Variants in LDLRAD3 observed in about 807,000 individuals in gnomAD.
LDLRAD3 encodes the protein low-density lipoprotein receptor class A domain-containing protein 3.
In LDLRAD3, 20 loss-of-function variants were observed where a neutral mutation model predicts 29.4. The observed-to-expected ratio is 0.68, with a 90% CI of 0.48 to 0.99. The LOEUF (loss-of-function observed/expected upper bound fraction) is 0.99, where lower values mean the gene tolerates loss of function less well. Ranked by LOEUF, LDLRAD3 falls within the 50% of genes least tolerant of loss-of-function variation. The probability of loss-of-function intolerance (pLI) is 0.00; values close to 1 mark genes in which losing one functional copy is unlikely to be tolerated. For missense variants in LDLRAD3, 420 were observed against 454.3 expected (o/e 0.92, Z 0.69); for synonymous variants, 157 against 192.7 (o/e 0.81, Z 1.53).
intron 4 of LDLRAD3, among the ~76,000 whole-genome samples, chr11:36,176,680 C>A (rs775915893): frequency 1.3e-5 from 2 of 152,092 alleles, no homozygotes; most frequent in Non-Finnish European, 2.9e-5. Flanking sequence ...CTGAGAAATC[C>A]GCCGTTAATC....
chr11:36,063,290 G>A, intron 2 of LDLRAD3, among the ~76,000 whole-genome samples: 1 of 152,150 alleles, frequency 6.6e-6, no homozygotes. Flanking sequence ...GGATTTACCA[G>A]AAAGTTTTGT....
At chr11:36,098,543 C>G (rs573315693) in intron 4 of LDLRAD3, 82 bp downstream of exon 4, 234 of 1,478,372 alleles carry the variant, frequency 1.6e-4, no homozygotes, top group Non-Finnish European at 2.0e-4. Context: ...GAAAGCAACA[C>G]CCATTCCCAT....
At chr11:36,030,866 G>T (rs1852227704) in intron 1 of LDLRAD3, among the ~76,000 whole-genome samples, 1 of 152,208 alleles carries the variant, frequency 6.6e-6, no homozygotes, top group African/African-American at 2.4e-5. Flanking sequence ...ACTCCAGCTG[G>T]TAGGATGGAA....
chr11:36,034,023 G>T (rs1289540032), intron 1 of LDLRAD3, among the ~76,000 whole-genome samples: 1 of 151,998 alleles, frequency 6.6e-6, no homozygotes, highest in Non-Finnish European at 1.5e-5. Context: ...CCATGCTCTG[G>T]GCTACGTCTT....
intron 4 of LDLRAD3, among the ~76,000 whole-genome samples, chr11:36,106,523 TACCTC>T (rs1853531007): frequency 6.6e-6 from 1 of 152,198 alleles, no homozygotes; most frequent in South Asian, 2.1e-4. Flanking sequence ...CTCAAATAGA[TACCTC>T]AAATAAAACC....
intron 1 of LDLRAD3, among the ~76,000 whole-genome samples, chr11:36,010,959 C>T (rs1056117826): frequency 6.6e-6 from 1 of 152,160 alleles, no homozygotes; most frequent in East Asian, 1.9e-4. Context: ...GCATGCACCA[C>T]CAAGCCTGGC....
chr11:35,957,821 GA>G (rs911363100), intron 1 of LDLRAD3, among the ~76,000 whole-genome samples: 1 of 135,630 alleles, frequency 7.4e-6, no homozygotes, highest in African/African-American at 2.8e-5. Context: ...AAAAAGAAAA[GA>G]AAAGAAAAAA....
intron 4 of LDLRAD3, among the ~76,000 whole-genome samples, chr11:36,140,970 T>A (rs1012688185): frequency 6.7e-5 from 10 of 149,306 alleles, no homozygotes; most frequent in African/African-American, 2.5e-4. Context: ...TAGCTGGTTT[T>A]AATTCTGGGT....
At position 36,231,453 on chromosome 11, in the gene LDLRAD3, C is replaced by T. The variant is rs1263351465; in HGVS notation, c.*2056C>T. 1 of 152,138 alleles carries T rather than the reference C, an allele frequency of 6.6e-6. No individual in the cohort carries two copies. The highest frequency in any genetic ancestry group is 1.9e-4 in the East Asian group (1 of 5,198). The allele number at this position is 152,138 out of a possible 1,614,324, so 9.4% of individuals were successfully genotyped here. A position where few individuals can be genotyped will look rare whatever the true frequency, so the allele number is the denominator to read the frequency against. ...AGAACTCTGGCTGAACATTTCATCTCCTGTGAGTCAGAAGGGCTTTATTTC... is the reference window on the plus strand; with the variant it reads ...AGAACTCTGGCTGAACATTTCATCTTCTGTGAGTCAGAAGGGCTTTATTTC... On this transcript the variant is annotated 3_prime_UTR_variant, in exon 6 of 6. Coordinates refer to ENST00000315571, the MANE Select transcript of LDLRAD3 (RefSeq NM_174902.4).
intron 4 of LDLRAD3, among the ~76,000 whole-genome samples, chr11:36,103,528 C>A (rs760799283): frequency 6.6e-6 from 1 of 152,146 alleles, no homozygotes; most frequent in Non-Finnish European, 1.5e-5. Context: ...CGTGAGCCAC[C>A]GTGCCTGGCC....
chr11:36,208,751 A>C (rs1855244220), intron 4 of LDLRAD3, among the ~76,000 whole-genome samples: 1 of 125,606 alleles, frequency 8.0e-6, no homozygotes, highest in Admixed American at 8.5e-5. Flanking sequence ...GAAATGTAGA[A>C]GGAATCAAGG....
intron 2 of LDLRAD3, among the ~76,000 whole-genome samples, chr11:36,077,773 C>G (rs1408907593): frequency 6.6e-6 from 1 of 152,202 alleles, no homozygotes; most frequent in Non-Finnish European, 1.5e-5. Context: ...TAGGTCTGGG[C>G]TCCCCAAAGG....
At chr11:36,194,483 A>G (rs894965920) in intron 4 of LDLRAD3, among the ~76,000 whole-genome samples, 5 of 152,190 alleles carry the variant, frequency 3.3e-5, no homozygotes, top group Admixed American at 3.3e-4. Flanking sequence ...TCCAGGTCCT[A>G]TCTCAGGTTT....
chr11:36,013,720 G>A lies in LDLRAD3; in HGVS notation c.47-22383G>A, dbSNP rs1851984305. On this transcript the variant is annotated intron_variant, in intron 1 of 5. Coordinates refer to ENST00000315571, the MANE Select transcript of LDLRAD3 (RefSeq NM_174902.4). ...GGAGTGATGTCTATTTCTTTGGATG[G>A]TGTTTTACAAAGTCTGTTTCCTTTT... Among the ~76,000 whole-genome samples the A allele has an allele frequency of 3.9e-5, 6 of 152,246 alleles. No homozygotes were observed. The South Asian group carries it at 1.2e-3, about 32-fold the overall frequency.
At chr11:35,982,848 C>CTTTTTTTTT (rs61605411) in intron 1 of LDLRAD3, among the ~76,000 whole-genome samples, 2 of 88,752 alleles carry the variant, frequency 2.3e-5, no homozygotes, top group Non-Finnish European at 3.9e-5. Context: ...CTGTTTGCTG[C>CTTTTTTTTT]TTTTTTTTTT....
intron 3 of LDLRAD3, among the ~76,000 whole-genome samples, chr11:36,086,608 G>A (rs1308416790): frequency 6.6e-6 from 1 of 152,154 alleles, no homozygotes; most frequent in African/African-American, 2.4e-5. Context: ...GATCATCCTA[G>A]GAGTTTGTAA....
intron 4 of LDLRAD3, among the ~76,000 whole-genome samples, chr11:36,143,915 TC>T (rs1854125043): frequency 1.8e-5 from 1 of 54,554 alleles, no homozygotes; most frequent in Non-Finnish European, 3.3e-5. Flanking sequence ...CCTCTCCCTC[TC>T]CCTCTCCCCC....
At chr11:36,079,908 G>A (rs1406975285) in intron 2 of LDLRAD3, among the ~76,000 whole-genome samples, 2 of 152,190 alleles carry the variant, frequency 1.3e-5, no homozygotes, top group Non-Finnish European at 2.9e-5. Flanking sequence ...CTTGTCCAAA[G>A]TCATAAAAAA....
chr11:36,068,300 G>A (rs912705999), intron 2 of LDLRAD3, among the ~76,000 whole-genome samples: 1 of 152,202 alleles, frequency 6.6e-6, no homozygotes, highest in African/African-American at 2.4e-5. Flanking sequence ...CATGAACTAT[G>A]TTAGGGAAGG....
Sources: gnomAD v4.1 joint callset for allele counts (sites outside exome capture counted in the v4.1 genomes callset) on GRCh38, gnomAD v4.1.1 for gene constraint, MANE v1.5 for transcripts, NCBI Gene and HGNC (gene_info 2026-07-23, HGNC 2026-07-21) for gene names.